The following DERA variants were observed in gnomAD, a reference collection of about 807,000 sequenced individuals.
DERA encodes deoxyribose-phosphate aldolase, also known as 2-deoxy-D-ribose 5-phosphate aldolase.
DERA carries 15 observed loss-of-function variants against 41.1 expected under a neutral mutation model. The observed-to-expected ratio is 0.37, with a 90% CI of 0.24 to 0.56. The LOEUF is 0.56. Ranked by LOEUF, DERA falls within the 20% of genes least tolerant of loss-of-function variation. The pLI, the probability that DERA is intolerant of heterozygous loss-of-function variation, is 0.81. For missense variants in DERA, 396 were observed against 403.4 expected, an observed-to-expected ratio of 0.98 and a Z score of 0.16; for synonymous variants, 139 against 137.4, an observed-to-expected ratio of 1.01 and a Z score of -0.08.
At chr12:15,948,962 C>T (rs1267125154) in intron 1 of DERA, among the ~76,000 whole-genome samples, 3 of 152,168 alleles carry the variant, frequency 2.0e-5, no homozygotes, top group Non-Finnish European at 4.4e-5. Flanking sequence ...GCTGGAGGTC[C>T]ACTCCAGACC....
rs186095807 is a variant in DERA at position 16,024,679 on chromosome 12, T to C, written c.638-7863T>C. Among the ~76,000 whole-genome samples the C allele has an allele frequency of 3.7e-3, 565 of 150,816 alleles. 5 individuals are homozygous for C. Among genetic ancestry groups the C allele is most frequent in the African/African-American group, 0.013 (541 of 40,214 alleles). On this transcript the variant is annotated intron_variant, in intron 6 of 8. Transcript: ENST00000428559. ...CTCTGTCAGCTGTAATCCACTCTTA[T>C]TACGCTGTAATCCACTCTTATTACA...
Position 16,017,293 on chromosome 12 carries a change from T to C in DERA, c.638-15249T>C, listed in dbSNP as rs1231478944. 6.6e-6 allele frequency among the ~76,000 whole-genome samples: 1 copy of C among 152,242 alleles called. No homozygotes were observed. The highest frequency in any genetic ancestry group is 1.5e-5 in the Non-Finnish European group (1 of 68,050). On this transcript the variant is annotated intron_variant, in intron 6 of 8. Transcript: ENST00000428559. The surrounding 1 kb of genome is among the most constrained non-coding windows in gnomAD (Gnocchi z 5.5). ...AACAAGCATCATTGCTTAGTTATCG[T>C]GTTCTATTGCATTGCTAACGTGATG... is the stretch of plus-strand genomic sequence containing the variant.
chr12:15,933,349 G>T (rs1948343295), intron 1 of DERA, among the ~76,000 whole-genome samples: 1 of 151,850 alleles, frequency 6.6e-6, no homozygotes, highest in Non-Finnish European at 1.5e-5. Flanking sequence ...TCTGTTTCTG[G>T]AATTCCTACT....
intron 6 of DERA, among the ~76,000 whole-genome samples, chr12:15,987,828 C>T (rs529207390): frequency 1.7e-4 from 26 of 152,168 alleles, no homozygotes; most frequent in African/African-American, 3.4e-4. Flanking sequence ...CCACTTGGCC[C>T]GGCAGGCTGC....
rs1948857828 is a variant in DERA at position 15,999,027 on chromosome 12, G to A, written c.637+16591G>A. On this transcript the variant is annotated intron_variant, in intron 6 of 8. Transcript: ENST00000428559. The surrounding 1 kb of genome is among the most constrained non-coding windows in gnomAD (Gnocchi z 5.3). The stretch of plus-strand genomic sequence containing the variant: ...ACCTCCTTTCATCTTCAACATATTA[G>A]ATTTAGGATTTGAATAGGGAGTTCC... Among the ~76,000 whole-genome samples the A allele has an allele frequency of 6.6e-6, 1 of 152,156 alleles. No homozygotes were observed. Among genetic ancestry groups the A allele is most frequent in the Non-Finnish European group, 1.5e-5 (1 of 68,034 alleles).
chr12:15,919,737 G>C (rs561801240), intron 1 of DERA, among the ~76,000 whole-genome samples: 1 of 152,310 alleles, frequency 6.6e-6, no homozygotes, highest in Admixed American at 6.5e-5. Context: ...CTGGCTCTCT[G>C]TATAGTCAGG....
intron 5 of DERA, among the ~76,000 whole-genome samples, chr12:15,980,214 C>G (rs1191374493): frequency 6.6e-6 from 1 of 152,166 alleles, no homozygotes; most frequent in Non-Finnish European, 1.5e-5. Flanking sequence ...TTCCTGGTAA[C>G]CCTGTAAAGT....
At chr12:15,926,618 C>A (rs984711168) in intron 1 of DERA, among the ~76,000 whole-genome samples, 1 of 152,012 alleles carries the variant, frequency 6.6e-6, no homozygotes, top group South Asian at 2.1e-4. Flanking sequence ...CGCCTGTAGT[C>A]CCAGCTACTC....
chr12:15,912,508 C>T (rs923783307), intron 1 of DERA, among the ~76,000 whole-genome samples: 1 of 152,146 alleles, frequency 6.6e-6, no homozygotes, highest in African/African-American at 2.4e-5. Flanking sequence ...AACTTCTTAC[C>T]TGTGTGACTT....
intron 1 of DERA, among the ~76,000 whole-genome samples, chr12:15,952,628 G>T (rs551092550): frequency 1.1e-3 from 167 of 152,346 alleles, no homozygotes; most frequent in African/African-American, 3.8e-3. Context: ...TGAAATCAAT[G>T]TTAAAACGTA....
chr12:15,962,818 G>T lies in DERA; in HGVS notation c.379G>T (p.Ala127Ser). ...GCNIPVASVA[A>S]GFPAGQTHLK... ...TCCTTTCTTAACTCTATTAGTGGCC[G>T]CTGGATTTCCAGCTGGACAGACTCA... The change falls in exon 5 of 9, where the codon GCT (alanine) becomes TCT (serine). Residue 127 changes from alanine to serine, a missense_variant. Ala to Ser is a moderately conservative substitution (Grantham distance 99, BLOSUM62 1). Transcript: ENST00000428559. The T allele has an allele frequency of 1.3e-6, 2 of 1,533,778 alleles. No homozygotes were observed. Among genetic ancestry groups the T allele is most frequent in the Non-Finnish European group, 1.8e-6 (2 of 1,137,504 alleles).
chr12:16,006,419 G>A (rs1359122444), intron 6 of DERA, among the ~76,000 whole-genome samples: 1 of 152,218 alleles, frequency 6.6e-6, no homozygotes, highest in African/African-American at 2.4e-5. Context: ...TTAAATGACT[G>A]TCTGGGACGA....
intron 6 of DERA, among the ~76,000 whole-genome samples, chr12:15,986,208 T>C (rs867045573): frequency 6.6e-6 from 1 of 152,148 alleles, no homozygotes. Context: ...TTTTTTTCCA[T>C]CTTTTTATTT....
At chr12:15,979,705 G>C (rs1948720739) in intron 5 of DERA, among the ~76,000 whole-genome samples, 1 of 152,186 alleles carries the variant, frequency 6.6e-6, no homozygotes, top group Admixed American at 6.5e-5. Context: ...GAAGACATTG[G>C]TTGCATATTT....
At position 16,009,982 on chromosome 12, in the gene DERA, G is replaced by A. The variant is rs1038109015; in HGVS notation, c.638-22560G>A. On this transcript the variant is annotated intron_variant, in intron 6 of 8. Coordinates refer to ENST00000428559, the MANE Select transcript of DERA (RefSeq NM_015954.4). This position sits in a 1 kb window ranked among gnomAD's most constrained non-coding sequence, Gnocchi z 5.3. ...CCTTTAAATCAGACCTATTAGTTTTGTAATAGGAAGTTCTGTGAGAGACAG... is the reference window on the plus strand; with the variant it reads ...CCTTTAAATCAGACCTATTAGTTTTATAATAGGAAGTTCTGTGAGAGACAG... Among the ~76,000 whole-genome samples the A allele has an allele frequency of 2.0e-5, 3 of 152,194 alleles. No homozygotes were observed. Among genetic ancestry groups the A allele is most frequent in the African/African-American group, 7.2e-5 (3 of 41,450 alleles).
rs1299148160 is a variant in DERA at position 16,020,885 on chromosome 12, A to AAATTTCTAAGCAGCAAAGC, written c.638-11655_638-11637dup. ...GATGAACTAGGGTATCTGGAGGAAG[A>AAATTTCTAAGCAGCAAAGC]AATTTCTAAGCAGCAAAGCATTCAT... On this transcript the variant is annotated intron_variant, in intron 6 of 8. Coordinates refer to ENST00000428559, the MANE Select transcript of DERA (RefSeq NM_015954.4). The surrounding 1 kb of genome is among the most constrained non-coding windows in gnomAD (Gnocchi z 5.5). Among the ~76,000 whole-genome samples the AAATTTCTAAGCAGCAAAGC allele has an allele frequency of 2.0e-5, 3 of 152,340 alleles. No homozygotes were observed. The highest frequency in any genetic ancestry group is 2.9e-5 in the Non-Finnish European group (2 of 68,024).
At chr12:15,973,867 T>A (rs542884294) in intron 5 of DERA, among the ~76,000 whole-genome samples, 144 of 152,260 alleles carry the variant, frequency 9.5e-4, no homozygotes, top group Non-Finnish European at 1.5e-4. Context: ...AAAGCCCTCC[T>A]GTAAGAAAAA....
chr12:15,919,199 G>T (rs2136123557), intron 1 of DERA, among the ~76,000 whole-genome samples: 1 of 152,070 alleles, frequency 6.6e-6, no homozygotes, highest in Admixed American at 6.5e-5. Context: ...GTAATAATTT[G>T]GGTTTGTTGT....
intron 7 of DERA, chr12:16,032,871 T>C (rs1038830553): frequency 1.2e-5 from 6 of 484,920 alleles, no homozygotes; most frequent in Middle Eastern, 5.7e-4. Flanking sequence ...TGAGTATGTG[T>C]GATCAAGATG....
Sources: gnomAD v4.1 joint callset for allele counts (sites outside exome capture counted in the v4.1 genomes callset) on GRCh38, gnomAD v4.1.1 for gene constraint, Gnocchi (gnomAD v3.1) non-coding constraint, MANE v1.5 for transcripts, NCBI Gene and HGNC (gene_info 2026-07-23, HGNC 2026-07-21) for gene names.